Variants in C1QBP observed in about 807,000 individuals in gnomAD.
C1QBP encodes the protein complement C1q binding protein.
C1QBP carries 24 observed loss-of-function variants against 29.4 expected under a neutral mutation model. The observed-to-expected ratio is 0.82, with a 90% CI of 0.59 to 1.15. C1QBP has a LOEUF of 1.15. Among genes scored for constraint, C1QBP ranks in the 50% most tolerant of loss-of-function variants. The pLI is 0.00. For synonymous variants in C1QBP, 182 were observed against 149.2 expected (o/e 1.22, Z -1.60); for missense variants, 337 against 355.8 (o/e 0.95, Z 0.43).
At position 5,439,067 on chromosome 17, in the gene C1QBP, G is replaced by T. The variant is rs944586253; in HGVS notation, c.7C>A (p.Pro3Thr). 1.2e-5 allele frequency: 19 copies of T among 1,540,206 alleles called. No individual in the cohort carries two copies. The African/African-American group carries it at 2.5e-4, about 20-fold the overall frequency. The change falls in exon 1 of 6, where the codon CCT becomes ACT. Residue 3 changes from proline (P) to threonine (T), a missense_variant. By Grantham distance (38) the Pro-to-Thr change is conservative (BLOSUM62 -1). Coordinates refer to ENST00000225698, the MANE Select transcript of C1QBP (RefSeq NM_001212.4). ML[P>T]LLRCVPRVLG... ...ACACGGGGCACGCAGCGCAGCAGAG[G>T]CAGCATCGCGGAAACGACTGCGAAC...
rs369852517 is a variant in C1QBP at position 5,439,120 on chromosome 17, C to A, written c.-47G>T. 1.4e-5 allele frequency: 22 copies of A among 1,534,672 alleles called. No homozygotes were observed. The highest frequency in any genetic ancestry group is 1.0e-4 in the East Asian group (4 of 39,528). ...GTGCAGATGCAAAGGACAACCCAGG[C>A]CTAGGCGCCCCGCGACCTGAGGCGC... On this transcript the variant is annotated 5_prime_UTR_variant, in exon 1 of 6. Transcript: ENST00000225698.
At chr17:5,434,545 G>C (rs1340602785) in intron 3 of C1QBP, 1 of 157,636 alleles carries the variant, frequency 6.3e-6, no homozygotes, top group South Asian at 1.2e-4. Context: ...TTGGCTCACC[G>C]CAACCTCTGC....
In C1QBP at chr17:5,433,107, CAA is replaced by C; in HGVS notation, c.755_756del (p.Phe252CysfsTer3). On this transcript the variant is annotated frameshift_variant, in exon 6 of 6. Coordinates refer to ENST00000225698, the MANE Select transcript of C1QBP (RefSeq NM_001212.4). LOFTEE classifies it high-confidence loss of function. ...GTGCTGAGCTCCACCAGCTCATCTGCAAAAGTGTTGTCCACCCCTCGGTCGGC... is the reference window on the plus strand; with the variant it reads ...GTGCTGAGCTCCACCAGCTCATCTGCAAGTGTTGTCCACCCCTCGGTCGGC... ...FLADRGVDNT[F>X]ADELVELSTA... 1.3e-5 allele frequency: 21 copies of C among 1,614,062 alleles called. No individual in the cohort carries two copies. The highest frequency in any genetic ancestry group is 1.8e-5 in the Non-Finnish European group (21 of 1,180,030).
intron 2 of C1QBP, among the ~76,000 whole-genome samples, 169 bp from the exon 3 acceptor site, chr17:5,435,135 C>CCTA (rs1250942030): frequency 6.6e-6 from 1 of 152,192 alleles, no homozygotes; most frequent in African/African-American, 2.4e-5. Flanking sequence ...AGGCTGGGTG[C>CCTA]CTACATCCAA....
Position 5,434,938 on chromosome 17 carries a change from T to C in C1QBP, c.412A>G (p.Ser138Gly). The part of the protein sequence containing the change: ...KITVTFNINN[S>G]IPPTFDGEEE... ...TCACCATCAAATGTTGGTGGGATGC[T>C]GTTGTTAATGTTGAAAGTGACCGTG... Residue 138 changes from serine to glycine, a missense_variant, in exon 3 of 6, where the codon AGC becomes GGC. By Grantham distance (56) the Ser-to-Gly change is moderately conservative. Transcript: ENST00000225698. 6.2e-7 allele frequency: 1 copy of C among 1,614,154 alleles called. No homozygotes were observed. The highest frequency in any genetic ancestry group is 8.5e-7 in the Non-Finnish European group (1 of 1,179,984).
chr17:5,438,723 C>T (rs1916340218), intron 1 of C1QBP, 119 bp downstream of exon 1: 2 of 1,539,254 alleles, frequency 1.3e-6, no homozygotes, highest in East Asian at 2.5e-5. Context: ...GTTTAGCCCG[C>T]TGGTTGCCAA....
At position 5,435,050 on chromosome 17, in the gene C1QBP, C is replaced by G. The variant is rs949090865; in HGVS notation, c.384-84G>C. 13 of 1,220,984 alleles carry G rather than the reference C, an allele frequency of 1.1e-5. No homozygotes were observed. In the Admixed American group the frequency reaches 1.5e-4, roughly 14 times the overall value. The allele number at this position is 1,220,984 out of a possible 1,614,324, so 75.6% of individuals were successfully genotyped here. A position where few individuals can be genotyped will look rare whatever the true frequency, so the allele number is the denominator to read the frequency against. On this transcript the variant is annotated intron_variant, in intron 2 of 5. Transcript: ENST00000225698. Reference sequence around the variant, plus strand: ...CAGGTTAACACATAAACATGGAAATCTGCTACAGTTAAAAAGGCGTATTGA... The same window carrying G: ...CAGGTTAACACATAAACATGGAAATGTGCTACAGTTAAAAAGGCGTATTGA...
At chr17:5,438,324 A>G in intron 1 of C1QBP, 51 bp from the exon 2 acceptor site, 1 of 1,592,620 alleles carries the variant, frequency 6.3e-7, no homozygotes, top group Non-Finnish European at 8.5e-7. Flanking sequence ...AGTCTAAAAC[A>G]TAAAACTATT....
At chr17:5,433,639 G>A (rs368853189) in intron 4 of C1QBP, 30 bp downstream of exon 4, 90 of 1,601,726 alleles carry the variant, frequency 5.6e-5, no homozygotes, top group Non-Finnish European at 7.4e-5. Context: ...CCCCAGGGGT[G>A]CCAAGAGGCT....
chr17:5,433,798 T>C (rs368370955), intron 3 of C1QBP, 31 bp from the exon 4 acceptor site: 1 of 1,581,066 alleles, frequency 6.3e-7, no homozygotes, highest in Non-Finnish European at 8.7e-7. Flanking sequence ...TACATGCTGC[T>C]GCTGGAAGGA....
chr17:5,438,832 TA>T lies in C1QBP; in HGVS notation c.232+9del. On this transcript the variant is annotated intron_variant, in intron 1 of 5. Coordinates refer to ENST00000225698, the MANE Select transcript of C1QBP (RefSeq NM_001212.4). ...AACGCAAACCACACCCCCGGCCCGC[TA>T]AACCTCACCGTCGGTGTGCAGCGAG... 6.5e-7 allele frequency: 1 copy of T among 1,547,174 alleles called. No homozygotes were observed. The highest frequency in any genetic ancestry group is 8.7e-7 in the Non-Finnish European group (1 of 1,146,078).
At chr17:5,434,464 C>CTTTTTTTT (rs576803401) in intron 3 of C1QBP, among the ~76,000 whole-genome samples, 44 of 97,844 alleles carry the variant, frequency 4.5e-4, no homozygotes, top group East Asian at 2.7e-3. Flanking sequence ...TTCTCTCTCT[C>CTTTTTTTT]TTTTTTTTTT....
intron 1 of C1QBP, chr17:5,438,607 TA>T (rs1456086952): frequency 3.3e-6 from 3 of 895,928 alleles, no homozygotes; most frequent in Admixed American, 2.9e-5. Flanking sequence ...TTCGATAGAA[TA>T]AGACTAAGGA....
intron 5 of C1QBP, 24 bp downstream of exon 5, chr17:5,433,269 T>TC: frequency 6.2e-7 from 1 of 1,614,012 alleles, no homozygotes; most frequent in Non-Finnish European, 8.5e-7. Flanking sequence ...CCCAAAAGGT[T>TC]CCCCCACCTT....
At chr17:5,435,111 C>G in intron 2 of C1QBP, 145 bp from the exon 3 acceptor site, 1 of 729,040 alleles carries the variant, frequency 1.4e-6, no homozygotes. Flanking sequence ...GAATTATATG[C>G]AGAACTTCAA....
rs148900155 is a variant in C1QBP at position 5,438,351 on chromosome 17, C to A, written c.233-78G>T. 20 of 1,507,226 alleles carry A rather than the reference C, an allele frequency of 1.3e-5. No individual in the cohort carries two copies. In the African/African-American group the frequency reaches 2.1e-4, roughly 16 times the overall value. The allele number at this position is 1,507,226 out of a possible 1,614,324, so 93.4% of individuals were successfully genotyped here. ...AAAACTATTACCCAGGTTATTGCAGCCAGAAACCTGGACTGTTTCTAATCT... is the reference window on the plus strand; with the variant it reads ...AAAACTATTACCCAGGTTATTGCAGACAGAAACCTGGACTGTTTCTAATCT... On this transcript the variant is annotated intron_variant, in intron 1 of 5. Coordinates refer to ENST00000225698, the MANE Select transcript of C1QBP (RefSeq NM_001212.4).
chr17:5,437,400 G>A (rs1209963052), intron 2 of C1QBP, among the ~76,000 whole-genome samples: 1 of 152,152 alleles, frequency 6.6e-6, no homozygotes, highest in Non-Finnish European at 1.5e-5. Flanking sequence ...GCGGTGGCGC[G>A]ATCTCGACTC....
chr17:5,437,039 CATTT>C, intron 2 of C1QBP, among the ~76,000 whole-genome samples: 1 of 141,152 alleles, frequency 7.1e-6, no homozygotes. Context: ...TGTATGACTC[CATTT>C]ATATGAAATG....
At position 5,438,853 on chromosome 17, in the gene C1QBP, A is replaced by C; in HGVS notation, c.221T>G (p.Leu74Arg). ...PCACGCGCGS[L>R]HTDGDKAFVD... The stretch of plus-strand genomic sequence containing the variant: ...CCGCTAAACCTCACCGTCGGTGTGC[A>C]GCGAGCCGCAGCCACAGCCACAGGC... The change falls in exon 1 of 6, where the codon CTG becomes CGG. Residue 74 changes from leucine (L) to arginine (R), a missense_variant. Physicochemically the swap from Leu to Arg is moderately radical, Grantham distance 102. Transcript: ENST00000225698. The C allele has an allele frequency of 6.5e-7, 1 of 1,546,162 alleles. No homozygotes were observed. The highest frequency in any genetic ancestry group is 2.0e-5 in the Admixed American group (1 of 50,928).
Sources: gnomAD v4.1 joint callset for allele counts (sites outside exome capture counted in the v4.1 genomes callset) on GRCh38, gnomAD v4.1.1 for gene constraint, MANE v1.5 for transcripts, NCBI Gene and HGNC (gene_info 2026-07-23, HGNC 2026-07-21) for gene names.